TYW1B: variants seen among roughly 807,000 people sequenced by gnomAD.
The protein encoded by TYW1B is S-adenosyl-L-methionine-dependent tRNA 4-demethylwyosine synthase TYW1B.
A neutral mutation model predicts 86.9 loss-of-function variants in TYW1B; 73 were observed. That is an observed-to-expected ratio of 0.84 (90% CI 0.70 to 1.02). The LOEUF is 1.02. TYW1B is among the 50% of genes least tolerant of loss of function. The pLI, the probability that TYW1B is intolerant of heterozygous loss-of-function variation, is 0.00. For synonymous variants in TYW1B, 248 were observed against 292.8 expected (o/e 0.85, Z 1.56); for missense variants, 637 against 827.4 (o/e 0.77, Z 2.82).
rs564669916 is a variant in TYW1B at position 72,761,628 on chromosome 7, T to A, written c.964+15788A>T. On this transcript the variant is annotated intron_variant, in intron 7 of 13. Coordinates refer to ENST00000620995, the MANE Select transcript of TYW1B (RefSeq NM_001145440.3). ...ATTAAAGTTTTTTTTAATTTAAAAA[T>A]TTTTTAAAGAATAATTTTGTCTAAC... is the stretch of plus-strand genomic sequence containing the variant. 1.6e-4 allele frequency among the ~76,000 whole-genome samples: 25 copies of A among 151,736 alleles called. No individual in the cohort carries two copies. The South Asian group carries it at 4.1e-3, about 25-fold the overall frequency.
At position 72,810,336 on chromosome 7, in the gene TYW1B, G is replaced by A. The variant is rs545235192; in HGVS notation, c.432+135C>T. ...TATTTATTACTAGCTACCAAAGTTT[G>A]TGGATTATTTCACATACATGTGTGT... is the stretch of plus-strand genomic sequence containing the variant. On this transcript the variant is annotated intron_variant, in intron 4 of 13. Coordinates refer to ENST00000620995, the MANE Select transcript of TYW1B (RefSeq NM_001145440.3). The A allele has an allele frequency of 7.4e-5, 71 of 959,438 alleles. No homozygotes were observed. The African/African-American group carries it at 9.2e-4, about 12-fold the overall frequency. 59.4% of individuals were successfully genotyped at this position (959,438 alleles called of 1,614,324 possible).
intron 11 of TYW1B, among the ~76,000 whole-genome samples, chr7:72,652,407 T>A (rs868908984): frequency 0.033 from 3,220 of 98,770 alleles, 67 homozygotes; most frequent in South Asian, 0.064. Flanking sequence ...AAAAAAAAAA[T>A]TTTTGTGACA....
At chr7:72,628,117 C>A (rs1554439205) in intron 12 of TYW1B, among the ~76,000 whole-genome samples, 2 of 151,894 alleles carry the variant, frequency 1.3e-5, no homozygotes, top group Non-Finnish European at 2.9e-5. Flanking sequence ...AACAGTGAGA[C>A]CTTCTCTCTA....
chr7:72,791,669 C>T (rs557563303), intron 6 of TYW1B, among the ~76,000 whole-genome samples: 36 of 152,186 alleles, frequency 2.4e-4, no homozygotes, highest in African/African-American at 7.0e-4. Flanking sequence ...CCCAGCTACT[C>T]GGGAGGCTAA....
chr7:72,813,105 C>A (rs1185073630), intron 3 of TYW1B, among the ~76,000 whole-genome samples: 2 of 151,140 alleles, frequency 1.3e-5, no homozygotes, highest in East Asian at 3.9e-4. Context: ...GCCCAGCCCA[C>A]AAAGGTGAAG....
intron 1 of TYW1B, 82 bp from the exon 2 acceptor site, chr7:72,827,067 T>G: frequency 6.7e-7 from 1 of 1,501,546 alleles, no homozygotes; most frequent in South Asian, 1.3e-5. Context: ...AAGAAGAAAA[T>G]AAAACCAACC....
chr7:72,766,630 A>AC (rs1258472691), intron 7 of TYW1B, among the ~76,000 whole-genome samples: 1 of 140,336 alleles, frequency 7.1e-6, no homozygotes, highest in Non-Finnish European at 1.5e-5. Context: ...AAAAAAAAAA[A>AC]AAACATAACT....
chr7:72,718,377 T>C (rs1162643156), intron 9 of TYW1B, among the ~76,000 whole-genome samples: 1 of 152,224 alleles, frequency 6.6e-6, no homozygotes, highest in Non-Finnish European at 1.5e-5. Flanking sequence ...TGTTCACTAT[T>C]TGAGTAATGG....
chr7:72,758,769 T>C (rs1183904270), intron 7 of TYW1B, among the ~76,000 whole-genome samples: 1 of 152,192 alleles, frequency 6.6e-6, no homozygotes, highest in Non-Finnish European at 1.5e-5. Flanking sequence ...TTCTGGAAAG[T>C]ATTTTCTAGT....
At chr7:72,588,149 T>C (rs550053785) in intron 13 of TYW1B, among the ~76,000 whole-genome samples, 1 of 152,352 alleles carries the variant, frequency 6.6e-6, no homozygotes, top group East Asian at 1.9e-4. Context: ...AGGATTCACA[T>C]GGTAACAGTT....
chr7:72,629,445 G>C (rs782673194), intron 11 of TYW1B, among the ~76,000 whole-genome samples: 3 of 152,166 alleles, frequency 2.0e-5, no homozygotes, highest in African/African-American at 7.2e-5. Context: ...ATTATTTAAT[G>C]ATCTCTTGGC....
intron 13 of TYW1B, among the ~76,000 whole-genome samples, chr7:72,605,983 T>C (rs1282214013): frequency 6.6e-5 from 10 of 152,120 alleles, no homozygotes; most frequent in Non-Finnish European, 1.5e-4. Flanking sequence ...TGCCTCTCCC[T>C]ATTCTGCCTG....
chr7:72,648,077 T>C (rs1812972283), intron 11 of TYW1B, among the ~76,000 whole-genome samples: 1 of 152,074 alleles, frequency 6.6e-6, no homozygotes, highest in Non-Finnish European at 1.5e-5. Context: ...TATAAATATA[T>C]CTACACCAAA....
chr7:72,802,275 C>G, intron 6 of TYW1B, 125 bp downstream of exon 6: 3 of 1,490,624 alleles, frequency 2.0e-6, no homozygotes, highest in Non-Finnish European at 2.7e-6. Flanking sequence ...TTATAAAACT[C>G]TCAAGACAGA....
chr7:72,821,635 G>A (rs1396512803), intron 2 of TYW1B, among the ~76,000 whole-genome samples: 3 of 152,176 alleles, frequency 2.0e-5, no homozygotes, highest in South Asian at 2.1e-4. Flanking sequence ...ATGGACCAGG[G>A]GAGTAGCAGT....
At chr7:72,773,805 T>C (rs1380366629) in intron 7 of TYW1B, among the ~76,000 whole-genome samples, 1 of 152,130 alleles carries the variant, frequency 6.6e-6, no homozygotes, top group Non-Finnish European at 1.5e-5. Context: ...GGCTCACACC[T>C]GTAAATCCCA....
chr7:72,746,603 G>A (rs1787399481), intron 7 of TYW1B, among the ~76,000 whole-genome samples: 2 of 152,106 alleles, frequency 1.3e-5, no homozygotes, highest in Non-Finnish European at 2.9e-5. Context: ...TCTTTAATGA[G>A]GTATTTAAGG....
At chr7:72,776,892 C>G (rs1357773669) in intron 7 of TYW1B, among the ~76,000 whole-genome samples, 5 of 151,920 alleles carry the variant, frequency 3.3e-5, no homozygotes, top group African/African-American at 1.2e-4. Flanking sequence ...CTGTGTTTCT[C>G]TGCATTGCCA....
At chr7:72,804,315 AAAAC>A (rs1483081720) in intron 5 of TYW1B, among the ~76,000 whole-genome samples, 5 of 151,888 alleles carry the variant, frequency 3.3e-5, no homozygotes, top group Admixed American at 6.6e-5. Flanking sequence ...AAATTAAATT[AAAAC>A]AAACAAAGTG....
Sources: allele counts gnomAD v4.1 joint callset (sites outside exome capture counted in the v4.1 genomes callset), GRCh38; gene constraint gnomAD v4.1.1; transcripts MANE v1.5; gene names NCBI Gene and HGNC (gene_info 2026-07-23, HGNC 2026-07-21).